NRP2: variants seen among roughly 807,000 people sequenced by gnomAD.
NRP2 encodes the protein neuropilin 2, also known as neuropilin-2.
A neutral mutation model predicts 110.4 loss-of-function variants in NRP2; 52 were observed. The ratio of observed to expected loss-of-function variants is 0.47; its 90% CI spans 0.38 to 0.59. The LOEUF is 0.59. Ranked by LOEUF, NRP2 falls within the 20% of genes least tolerant of loss-of-function variation. The probability of loss-of-function intolerance (pLI) is 0.00; values close to 1 mark genes in which losing one functional copy is unlikely to be tolerated. For missense variants in NRP2, 1,049 were observed against 1,203.0 expected, an observed-to-expected ratio of 0.87 and a Z score of 1.89; for synonymous variants, 508 against 468.9, an observed-to-expected ratio of 1.08 and a Z score of -1.08.
chr2:205,764,691 T>C lies in NRP2; in HGVS notation c.2307+755T>C, dbSNP rs539439952. ...GAGAGGAACCTGGGGAGGGCGAGCA[T>C]GAGAAATGACTGAAGACCACAGAGC... On this transcript the variant is annotated intron_variant, in intron 13 of 16. Coordinates refer to ENST00000357785, the MANE Select transcript of NRP2 (RefSeq NM_003872.3). 1.6e-4 allele frequency among the ~76,000 whole-genome samples: 25 copies of C among 152,246 alleles called. No homozygotes were observed. The South Asian group carries it at 5.2e-3, about 32-fold the overall frequency.
chr2:205,697,631 A>T lies in NRP2; in HGVS notation c.161A>T (p.Asn54Ile). 2 of 1,613,996 alleles carry T rather than the reference A, an allele frequency of 1.2e-6. No individual in the cohort carries two copies. Among genetic ancestry groups the T allele is most frequent in the South Asian group, 1.1e-5 (1 of 91,054 alleles). ...CCCCAGGACTACCCCTCCCACCAGA[A>T]CTGCGAGTGGATTGTTTACGCCCCC... Reference protein sequence around the residue: ...GYPQDYPSHQNCEWIVYAPEP... With the variant: ...GYPQDYPSHQICEWIVYAPEP... The change falls in exon 2 of 17, where the codon AAC becomes ATC. Residue 54 changes from asparagine (N) to isoleucine (I), a missense_variant. By Grantham distance (149) the Asn-to-Ile change is moderately radical. Coordinates refer to ENST00000357785, the MANE Select transcript of NRP2 (RefSeq NM_003872.3).
chr2:205,770,629 CT>C, intron 15 of NRP2, among the ~76,000 whole-genome samples: 1 of 152,278 alleles, frequency 6.6e-6, no homozygotes, highest in East Asian at 1.9e-4. Flanking sequence ...CCTCCTTCTC[CT>C]AGAAGCACTT....
rs771043701 is a variant in NRP2, at chr2:205,794,778, ATTC to A, written c.2509_2511del (p.Ser837del). The stretch of plus-strand genomic sequence containing the variant: ...GATGAATACGAGGTGGACTGGAGCA[ATTC>A]TTCTTCTGCAACCTCAGGGTCTGGC... On this transcript the variant is annotated inframe_deletion, in exon 17 of 17. Transcript: ENST00000357785. 19 of 1,614,204 alleles carry A rather than the reference ATTC, an allele frequency of 1.2e-5. No individual in the cohort carries two copies. In the South Asian group the frequency reaches 1.4e-4, roughly 12 times the overall value.
At chr2:205,756,222 T>C (rs1003162492) in intron 12 of NRP2, among the ~76,000 whole-genome samples, 21 of 152,204 alleles carry the variant, frequency 1.4e-4, no homozygotes, top group African/African-American at 5.1e-4. Context: ...CTGGGGACCC[T>C]GTTCCAAATT....
intron 8 of NRP2, among the ~76,000 whole-genome samples, 165 bp downstream of exon 8, chr2:205,740,828 A>G (rs755016468): frequency 9.2e-5 from 14 of 152,248 alleles, no homozygotes; most frequent in Admixed American, 2.6e-4. Flanking sequence ...TTCATTCAGT[A>G]TACATTTATT....
rs577242078 is a variant in NRP2 at position 205,761,333 on chromosome 2, A to G, written c.2045-2341A>G. The G allele has an allele frequency of 2.0e-5, 3 of 152,340 alleles. No individual in the cohort carries two copies. In the South Asian group the frequency reaches 6.2e-4, roughly 32 times the overall value. The allele number at this position is 152,340 out of a possible 1,614,324, so 9.4% of individuals were successfully genotyped here. A position where few individuals can be genotyped will look rare whatever the true frequency, so the allele number is the denominator to read the frequency against. ...GAGAGAAGAAGCAATGTTAAACCTTATTATTTGTAAGACCAGCATTTACAA... is the reference window on the plus strand; with the variant it reads ...GAGAGAAGAAGCAATGTTAAACCTTGTTATTTGTAAGACCAGCATTTACAA... On this transcript the variant is annotated intron_variant, in intron 12 of 16. Transcript: ENST00000357785.
intron 14 of NRP2, 134 bp from the exon 15 acceptor site, chr2:205,766,649 C>G: frequency 1.3e-6 from 1 of 761,568 alleles, no homozygotes. Flanking sequence ...AGATGGGGGG[C>G]CCTCTCCATG....
intron 15 of NRP2, among the ~76,000 whole-genome samples, chr2:205,769,013 G>C (rs1290199636): frequency 6.6e-6 from 1 of 152,182 alleles, no homozygotes; most frequent in Non-Finnish European, 1.5e-5. Context: ...TCTGCCTTGA[G>C]CAAACTTTTC....
At chr2:205,716,457 G>T in intron 3 of NRP2, 83 bp downstream of exon 3, 2 of 1,433,050 alleles carry the variant, frequency 1.4e-6, no homozygotes, top group South Asian at 2.3e-5. Flanking sequence ...TGAGGCACTG[G>T]GTAAGGGTGA....
chr2:205,731,364 A>G (rs1397366106), intron 7 of NRP2, among the ~76,000 whole-genome samples: 2 of 152,222 alleles, frequency 1.3e-5, no homozygotes, highest in African/African-American at 4.8e-5. Context: ...ATGTATGTTT[A>G]CATAATTATA....
At chr2:205,713,492 A>C (rs1026793097) in intron 2 of NRP2, among the ~76,000 whole-genome samples, 7 of 152,200 alleles carry the variant, frequency 4.6e-5, no homozygotes, top group African/African-American at 1.7e-4. Context: ...AAGAGAGAAA[A>C]AATTACCAAT....
chr2:205,730,354 T>C (rs1195170174), intron 7 of NRP2, among the ~76,000 whole-genome samples: 1 of 58,008 alleles, frequency 1.7e-5, no homozygotes, highest in Admixed American at 2.2e-4. Flanking sequence ...TTTGATGCCA[T>C]GGGGGGAGGT....
intron 1 of NRP2, among the ~76,000 whole-genome samples, chr2:205,694,563 T>A (rs2056383075): frequency 6.6e-6 from 1 of 152,248 alleles, no homozygotes. Context: ...ACAGGGTCAA[T>A]TTCCCCTCTG....
chr2:205,749,802 G>A lies in NRP2; in HGVS notation c.1864G>A (p.Glu622Lys). Residue 622 changes from glutamate to lysine, a missense_variant, in exon 11 of 17, where the codon GAG becomes AAG. Glu to Lys is a moderately conservative substitution (Grantham distance 56). Coordinates refer to ENST00000357785, the MANE Select transcript of NRP2 (RefSeq NM_003872.3). Reference protein sequence around the residue: ...ETTTPYPTEEEATECGENCSF... With the variant: ...ETTTPYPTEEKATECGENCSF... ...AACCACCCCCTACCCCACCGAAGAG[G>A]AGGCCACAGAGTGTGGGGAGAACTG... 1 of 1,614,168 alleles carries A rather than the reference G, an allele frequency of 6.2e-7. No homozygotes were observed. Among genetic ancestry groups the A allele is most frequent in the East Asian group, 2.2e-5 (1 of 44,870 alleles).
Position 205,726,050 on chromosome 2 carries a change from C to A in NRP2, c.958C>A (p.Pro320Thr). The A allele has an allele frequency of 1.2e-6, 2 of 1,614,186 alleles. No individual in the cohort carries two copies. Among genetic ancestry groups the A allele is most frequent in the Non-Finnish European group, 8.5e-7 (1 of 1,180,038 alleles). ...RLHGDDNGWT[P>T]NLDSNKEYLQ... ...CCATGGTGATGACAATGGCTGGACC[C>A]CCAACTTGGATTCCAACAAGGAGTA... Residue 320 changes from proline to threonine, a missense_variant, in exon 6 of 17, where the codon CCC becomes ACC. Coordinates refer to ENST00000357785, the MANE Select transcript of NRP2 (RefSeq NM_003872.3).
At chr2:205,736,976 A>G (rs2057355467) in intron 7 of NRP2, among the ~76,000 whole-genome samples, 1 of 152,238 alleles carries the variant, frequency 6.6e-6, no homozygotes, top group Non-Finnish European at 1.5e-5. Context: ...AGGGAGAAAA[A>G]TAGAGACCTT....
intron 5 of NRP2, among the ~76,000 whole-genome samples, chr2:205,724,310 T>G (rs1478527285): frequency 6.6e-6 from 1 of 152,160 alleles, no homozygotes; most frequent in East Asian, 1.9e-4. Flanking sequence ...CTGTGGCCAT[T>G]TTTTTCCCTC....
At chr2:205,743,999 C>T (rs770508452) in intron 9 of NRP2, among the ~76,000 whole-genome samples, 4 of 152,184 alleles carry the variant, frequency 2.6e-5, no homozygotes, top group African/African-American at 7.2e-5. Context: ...TTGCCTTGGC[C>T]TCTCAAAGTG....
chr2:205,746,080 G>C (rs2105881133), intron 10 of NRP2, among the ~76,000 whole-genome samples, 190 bp downstream of exon 10: 1 of 152,260 alleles, frequency 6.6e-6, no homozygotes, highest in Admixed American at 6.5e-5. Flanking sequence ...GTTTCTCAAG[G>C]GATGTACTTT....
Sources: allele counts gnomAD v4.1 joint callset (sites outside exome capture counted in the v4.1 genomes callset), GRCh38; gene constraint gnomAD v4.1.1; transcripts MANE v1.5; gene names NCBI Gene and HGNC (gene_info 2026-07-23, HGNC 2026-07-21).